TNC: variants seen among roughly 807,000 people sequenced by gnomAD.
TNC encodes tenascin C.
Under a neutral mutation model 202.4 loss-of-function variants are expected in TNC, and 109 were observed. The observed-to-expected ratio is 0.54, with a 90% CI of 0.46 to 0.63. TNC has a LOEUF of 0.63. Among genes scored for constraint, TNC ranks in the 30% least tolerant of loss-of-function variants. The probability of loss-of-function intolerance (pLI) is 0.00; values close to 1 mark genes in which losing one functional copy is unlikely to be tolerated. For missense variants in TNC, 2,756 were observed against 2,833.3 expected (o/e 0.97, Z 0.62); for synonymous variants, 1,007 against 1,089.7 (o/e 0.92, Z 1.50).
At chr9:115,049,631 GTTTTTTC>G (rs1296560692) in intron 15 of TNC, among the ~76,000 whole-genome samples, 1 of 149,672 alleles carries the variant, frequency 6.7e-6, no homozygotes, top group Non-Finnish European at 1.5e-5. Flanking sequence ...TTTTCTAGGT[GTTTTTTC>G]TTTTTTCTTT....
At chr9:115,076,608 T>A (rs1292537413) in intron 7 of TNC, 33 bp from the exon 8 acceptor site, 2 of 1,608,614 alleles carry the variant, frequency 1.2e-6, no homozygotes, top group African/African-American at 2.7e-5. Context: ...GTATTGAACA[T>A]ATCAGTCACA....
intron 1 of TNC, among the ~76,000 whole-genome samples, chr9:115,095,782 T>C (rs1835746386): frequency 6.7e-6 from 1 of 148,412 alleles, no homozygotes; most frequent in Non-Finnish European, 1.5e-5. Context: ...TGATGTAACA[T>C]AATATTACAT....
At chr9:115,050,839 G>A (rs1831593604) in intron 15 of TNC, among the ~76,000 whole-genome samples, 1 of 152,128 alleles carries the variant, frequency 6.6e-6, no homozygotes, top group South Asian at 2.1e-4. Context: ...AGGAAATTAG[G>A]GTTCAAACAA....
At position 115,057,402 on chromosome 9, in the gene TNC, A is replaced by G; in HGVS notation, c.4330T>C (p.Leu1444=). ...STAKEPEIGN[L]NVSDITPESF... ...TCGGGAGTTATGTCAGAAACATTTA[A>G]GTTTCCAATTTCAGGTTCTTTGGCT... The change falls in exon 15 of 28, where the codon TTA becomes CTA. Residue 1444 remains leucine (L), a synonymous_variant. Coordinates refer to ENST00000350763, the MANE Select transcript of TNC (RefSeq NM_002160.4). 2 of 1,610,854 alleles carry G rather than the reference A, an allele frequency of 1.2e-6. No individual in the cohort carries two copies. The highest frequency in any genetic ancestry group is 2.2e-5 in the East Asian group (1 of 44,862).
intron 5 of TNC, among the ~76,000 whole-genome samples, chr9:115,082,377 A>T (rs1834369181): frequency 6.6e-6 from 1 of 152,166 alleles, no homozygotes; most frequent in Non-Finnish European, 1.5e-5. Flanking sequence ...ATGTACCTTT[A>T]TTTTGAGGGA....
At chr9:115,081,231 G>T (rs572872019) in intron 6 of TNC, among the ~76,000 whole-genome samples, 2 of 152,094 alleles carry the variant, frequency 1.3e-5, no homozygotes, top group Non-Finnish European at 2.9e-5. Flanking sequence ...CCTACAACTG[G>T]GTGCTAATAT....
chr9:115,049,060 G>A (rs753048554), intron 15 of TNC, among the ~76,000 whole-genome samples: 1 of 102,300 alleles, frequency 9.8e-6, no homozygotes, highest in Non-Finnish European at 2.0e-5. Flanking sequence ...CTGAAATAAA[G>A]GGAGGAGGTA....
In TNC at chr9:115,046,678, G is replaced by T. The variant is rs61738265; in HGVS notation, c.4857C>A (p.Ala1619=). 5.5e-5 allele frequency: 88 copies of T among 1,611,934 alleles called. No homozygotes were observed. Among genetic ancestry groups the T allele is most frequent in the Non-Finnish European group, 7.3e-5 (86 of 1,179,386 alleles). Reference sequence around the variant, plus strand: ...CCAGAAGGTTGTCAACTTCCGGTTCGGCTTCTAGAGGGAGAGAAAATGGTG... The same window carrying T: ...CCAGAAGGTTGTCAACTTCCGGTTCTGCTTCTAGAGGGAGAGAAAATGGTG... The part of the protein sequence containing the change: ...KPLRAEIVTE[A]EPEVDNLLVS... Residue 1619 remains alanine (A), a synonymous_variant, in exon 17 of 28, where the codon GCC becomes GCA. Transcript: ENST00000350763.
chr9:115,046,708 A>T (rs772529033), intron 16 of TNC, 26 bp from the exon 17 acceptor site: 1 of 1,609,892 alleles, frequency 6.2e-7, no homozygotes, highest in Non-Finnish European at 8.5e-7. Flanking sequence ...ATGGTGGGAG[A>T]AGGAGGAAAG....
At chr9:115,066,898 G>A (rs1832996020) in intron 10 of TNC, among the ~76,000 whole-genome samples, 1 of 152,136 alleles carries the variant, frequency 6.6e-6, no homozygotes, top group Non-Finnish European at 1.5e-5. Flanking sequence ...GAAACTCTCT[G>A]GCCTATAAAG....
At chr9:115,069,570 TCTTCCCTCCTCCCTTCTTTC>T (rs1833203730) in intron 10 of TNC, among the ~76,000 whole-genome samples, 2 of 144,590 alleles carry the variant, frequency 1.4e-5, no homozygotes, top group Non-Finnish European at 3.0e-5. Flanking sequence ...TACCTTTCGT[TCTTCCCTCCTCCCTTCTTTC>T]CTTCCCTTCC....
chr9:115,089,698 C>T (rs946625271), intron 2 of TNC, among the ~76,000 whole-genome samples: 10 of 152,164 alleles, frequency 6.6e-5, no homozygotes, highest in Non-Finnish European at 1.5e-4. Flanking sequence ...TGGGGTTTCA[C>T]CATGTTGGCC....
chr9:115,067,113 G>A (rs1833012891), intron 10 of TNC, among the ~76,000 whole-genome samples: 1 of 152,194 alleles, frequency 6.6e-6, no homozygotes, highest in Middle Eastern at 3.2e-3. Context: ...AAAGAAAGGA[G>A]GTGTCAACTA....
chr9:115,033,207 C>G (rs534874628), intron 22 of TNC, among the ~76,000 whole-genome samples: 1 of 152,234 alleles, frequency 6.6e-6, no homozygotes, highest in South Asian at 2.1e-4. Flanking sequence ...ACTCTTTTCT[C>G]CTATACCAGG....
chr9:115,025,677 C>G (rs910512707), intron 26 of TNC, among the ~76,000 whole-genome samples: 3 of 152,096 alleles, frequency 2.0e-5, no homozygotes, highest in Non-Finnish European at 2.9e-5. Context: ...TTCTTTCCTC[C>G]TCTGTATAAA....
At chr9:115,029,117 G>A (rs552717215) in intron 25 of TNC, among the ~76,000 whole-genome samples, 51 of 149,048 alleles carry the variant, frequency 3.4e-4, no homozygotes, top group African/African-American at 1.2e-3. Context: ...TGTCCTTAAC[G>A]TTGGCTAAGT....
chr9:115,029,024 T>C (rs1587998164), intron 25 of TNC, among the ~76,000 whole-genome samples: 1 of 111,784 alleles, frequency 8.9e-6, no homozygotes, highest in Non-Finnish European at 1.8e-5. Context: ...AAACTCTTAA[T>C]ATTATCTCTG....
At chr9:115,032,802 G>A (rs1448240718) in intron 22 of TNC, among the ~76,000 whole-genome samples, 1 of 152,202 alleles carries the variant, frequency 6.6e-6, no homozygotes, top group East Asian at 1.9e-4. Flanking sequence ...AACTACACTT[G>A]TAGTCTGTGG....
chr9:115,109,489 G>T (rs989432266), intron 1 of TNC, among the ~76,000 whole-genome samples: 4 of 152,108 alleles, frequency 2.6e-5, no homozygotes, highest in Non-Finnish European at 4.4e-5. Flanking sequence ...CTTCTTGTGG[G>T]CTGTGAGCTT....
Sources: gnomAD v4.1 joint callset for allele counts (sites outside exome capture counted in the v4.1 genomes callset) on GRCh38, gnomAD v4.1.1 for gene constraint, MANE v1.5 for transcripts, NCBI Gene and HGNC (gene_info 2026-07-23, HGNC 2026-07-21) for gene names.